Variants in MLC1 observed in about 807,000 individuals in gnomAD.
MLC1 encodes membrane protein MLC1.
In MLC1, 32 loss-of-function variants were observed where a neutral mutation model predicts 44.7. That is an observed-to-expected ratio of 0.72 (90% CI 0.54 to 0.96). The LOEUF is 0.96. Among genes scored for constraint, MLC1 ranks in the 40% least tolerant of loss-of-function variants. The probability of loss-of-function intolerance (pLI) is 0.00; values close to 1 mark genes in which losing one functional copy is unlikely to be tolerated. For synonymous variants in MLC1, 190 were observed against 213.0 expected, an observed-to-expected ratio of 0.89 and a Z score of 0.94; for missense variants, 459 against 492.2, an observed-to-expected ratio of 0.93 and a Z score of 0.64.
At chr22:50,064,242 C>A in intron 10 of MLC1, 44 bp from the exon 11 acceptor site, 1 of 1,554,794 alleles carries the variant, frequency 6.4e-7, no homozygotes, top group Non-Finnish European at 8.6e-7. Flanking sequence ...CAGCCGCCCT[C>A]CAGCCCAGGA....
chr22:50,064,219 G>A (rs768512668), intron 10 of MLC1, 21 bp from the exon 11 acceptor site: 9 of 1,577,948 alleles, frequency 5.7e-6, no homozygotes, highest in Non-Finnish European at 7.7e-6. Flanking sequence ...AAGGAGGTGT[G>A]AGCAGAGTGG....
rs2062017585 is a variant in MLC1, at chr22:50,077,615, C to G, written c.424-113G>C. ...GCTGCGCAGGACTCTCAGCCACGGT[C>G]CCCACTTTTCCCATCCAGGGCCAGC... On this transcript the variant is annotated intron_variant, in intron 5 of 11. Transcript: ENST00000311597. 21 of 817,120 alleles carry G rather than the reference C, an allele frequency of 2.6e-5. No homozygotes were observed. The South Asian group carries it at 2.7e-4, about 11-fold the overall frequency. The allele number at this position is 817,120 out of a possible 1,614,324, so 50.6% of individuals were successfully genotyped here.
rs1190376933 is a variant in MLC1 at position 50,061,168 on chromosome 22, C to T, written c.*415G>A. ...ACCCTAAGCGTGGAGGGAGGAAGCCCGGTCAGAGTGGGCAGGAGACGCAGG... is the reference window on the plus strand; with the variant it reads ...ACCCTAAGCGTGGAGGGAGGAAGCCTGGTCAGAGTGGGCAGGAGACGCAGG... On this transcript the variant is annotated 3_prime_UTR_variant, in exon 12 of 12. Coordinates refer to ENST00000311597, the MANE Select transcript of MLC1 (RefSeq NM_015166.4). The T allele has an allele frequency of 1.7e-5, 5 of 294,162 alleles. No homozygotes were observed. Among genetic ancestry groups the T allele is most frequent in the Admixed American group, 4.4e-5 (1 of 22,836 alleles). 18.2% of individuals were successfully genotyped at this position (294,162 alleles called of 1,614,324 possible).
intron 3 of MLC1, among the ~76,000 whole-genome samples, chr22:50,082,143 G>A (rs929051900): frequency 1.3e-5 from 2 of 152,178 alleles, no homozygotes; most frequent in Non-Finnish European, 2.9e-5. Context: ...GGGAGAGCTC[G>A]GGACCAGCTG....
intron 10 of MLC1, among the ~76,000 whole-genome samples, chr22:50,066,311 C>A (rs1396192731): frequency 3.3e-5 from 5 of 151,942 alleles, no homozygotes; most frequent in Non-Finnish European, 5.9e-5. Context: ...CCAGCCCGGG[C>A]AACAGAGTGA....
intron 2 of MLC1, 105 bp downstream of exon 2, chr22:50,084,621 A>C: frequency 8.1e-7 from 1 of 1,240,622 alleles, no homozygotes; most frequent in Non-Finnish European, 1.2e-6. Flanking sequence ...GGTTAGTCTG[A>C]GAGTTGCTCT....
chr22:50,080,354 T>C lies in MLC1; in HGVS notation c.311A>G (p.Asn104Ser), dbSNP rs957087236. Reference sequence around the variant, plus strand: ...GCAAGCTAGACTCACCACATTGGCGTTCCTCCTGGAGACGGTGAAGCTCAC... The same window carrying C: ...GCAAGCTAGACTCACCACATTGGCGCTCCTCCTGGAGACGGTGAAGCTCAC... ...AIVSFTVSRR[N>S]ANVIPNFQIL... Residue 104 changes from asparagine to serine, a missense_variant, in exon 4 of 12, where the codon AAC becomes AGC. Transcript: ENST00000311597. 5.6e-6 allele frequency: 9 copies of C among 1,608,002 alleles called. No homozygotes were observed. The highest frequency in any genetic ancestry group is 7.6e-6 in the Non-Finnish European group (9 of 1,177,300).
chr22:50,079,498 G>GTGT (rs1231305302), intron 5 of MLC1, among the ~76,000 whole-genome samples: 1 of 98,112 alleles, frequency 1.0e-5, no homozygotes, highest in African/African-American at 3.8e-5. Context: ...TGGGATTTTT[G>GTGT]TCTTTTTTTT....
At chr22:50,061,689 C>G (rs1039686428) in intron 11 of MLC1, 32 bp from the exon 12 acceptor site, 2 of 1,590,418 alleles carry the variant, frequency 1.3e-6, no homozygotes, top group Non-Finnish European at 1.7e-6. Flanking sequence ...TGTTACTTCA[C>G]CAGGGCCACC....
chr22:50,063,891 CA>C (rs2061638948), intron 11 of MLC1, 142 bp downstream of exon 11: 47 of 926,662 alleles, frequency 5.1e-5, no homozygotes, highest in Admixed American at 1.3e-4. Flanking sequence ...CCCTGCAGGC[CA>C]CTCACCTCCC....
At position 50,083,149 on chromosome 22, in the gene MLC1, A is replaced by G; in HGVS notation, c.202T>C (p.Phe68Leu). The change falls in exon 3 of 12, where the codon TTT becomes CTT. Residue 68 changes from phenylalanine to leucine, a missense_variant. Physicochemically the swap from Phe to Leu is conservative, Grantham distance 22. Coordinates refer to ENST00000311597, the MANE Select transcript of MLC1 (RefSeq NM_015166.4). The surrounding 1 kb of genome is among the most constrained non-coding windows in gnomAD (Gnocchi z 4.6). The stretch of plus-strand genomic sequence containing the variant: ...AACACGTTCCCCAGGTACAGCGAAA[A>G]CCCCGAGGTCACCAGGAGGCAGCTC... ...MGSCLLVTSGFSLYLGNVFPA... is the reference protein window; with the variant it reads ...MGSCLLVTSGLSLYLGNVFPA... The G allele has an allele frequency of 6.2e-7, 1 of 1,613,842 alleles. No individual in the cohort carries two copies. Among genetic ancestry groups the G allele is most frequent in the South Asian group, 1.1e-5 (1 of 91,062 alleles).
At chr22:50,082,072 C>T (rs2062155963) in intron 3 of MLC1, among the ~76,000 whole-genome samples, 1 of 152,250 alleles carries the variant, frequency 6.6e-6, no homozygotes, top group Non-Finnish European at 1.5e-5. Context: ...CAGTCACCAA[C>T]AGTGTCCCTA....
rs1047758044 is a variant in MLC1 at position 50,084,871 on chromosome 22, G to C, written c.32C>G (p.Ala11Gly). 2.2e-5 allele frequency: 36 copies of C among 1,612,874 alleles called. No homozygotes were observed. The highest frequency in any genetic ancestry group is 2.7e-5 in the Non-Finnish European group (32 of 1,180,046). The change falls in exon 2 of 12, where the codon GCC (alanine) becomes GGC (glycine). Residue 11 changes from alanine to glycine, a missense_variant. Coordinates refer to ENST00000311597, the MANE Select transcript of MLC1 (RefSeq NM_015166.4). MTQEPFREEL[A>G]YDRMPTLERG... Reference sequence around the variant, plus strand: ...CTCCAGCGTGGGCATCCGGTCATAGGCCAGCTCCTCTCTGAATGGCTCCTG... The same window carrying C: ...CTCCAGCGTGGGCATCCGGTCATAGCCCAGCTCCTCTCTGAATGGCTCCTG...
chr22:50,072,362 C>T lies in MLC1; in HGVS notation c.715-1779G>A, dbSNP rs541302315. The stretch of plus-strand genomic sequence containing the variant: ...TCCAGCCCATGGTGCAGGGCCTGGG[C>T]CCCTCTGCCGCACCCAGGCCAGACT... On this transcript the variant is annotated intron_variant, in intron 8 of 11. Coordinates refer to ENST00000311597, the MANE Select transcript of MLC1 (RefSeq NM_015166.4). Among the ~76,000 whole-genome samples the T allele has an allele frequency of 4.6e-5, 7 of 152,352 alleles. No homozygotes were observed. The East Asian group carries it at 7.7e-4, about 17-fold the overall frequency.
intron 4 of MLC1, 128 bp from the exon 5 acceptor site, chr22:50,080,147 G>A (rs1427240373): frequency 1.5e-5 from 15 of 1,010,264 alleles, no homozygotes; most frequent in South Asian, 5.4e-5. Context: ...GGAGTCCTGC[G>A]TGCTCAGCCC....
intron 10 of MLC1, among the ~76,000 whole-genome samples, chr22:50,065,284 T>G (rs1356020007): frequency 6.6e-6 from 1 of 151,954 alleles, no homozygotes; most frequent in African/African-American, 2.4e-5. Context: ...CCCTGGAGGA[T>G]GGTAAAGGCA....
At chr22:50,078,111 C>T (rs1264962619) in intron 5 of MLC1, among the ~76,000 whole-genome samples, 1 of 151,594 alleles carries the variant, frequency 6.6e-6, no homozygotes, top group Non-Finnish European at 1.5e-5. Flanking sequence ...CCTGCCTCAG[C>T]CTCCCGAGTA....
chr22:50,070,624 C>A (rs753626055), intron 8 of MLC1, 41 bp from the exon 9 acceptor site: 2 of 1,536,544 alleles, frequency 1.3e-6, no homozygotes, highest in Non-Finnish European at 1.8e-6. Context: ...AGGAAATAGT[C>A]GAAGAAGTCG....
intron 10 of MLC1, 84 bp from the exon 11 acceptor site, chr22:50,064,282 C>T: frequency 1.3e-6 from 2 of 1,508,064 alleles, no homozygotes; most frequent in Non-Finnish European, 1.8e-6. Flanking sequence ...CCACGGCCTT[C>T]ACAAAGAGCA....
Sources: gnomAD v4.1 joint callset for allele counts (sites outside exome capture counted in the v4.1 genomes callset) on GRCh38, gnomAD v4.1.1 for gene constraint, Gnocchi (gnomAD v3.1) non-coding constraint, MANE v1.5 for transcripts, NCBI Gene and HGNC (gene_info 2026-07-23, HGNC 2026-07-21) for gene names.